MED13L: variants seen among roughly 807,000 people sequenced by gnomAD.
The protein encoded by MED13L is mediator complex subunit 13L.
MED13L carries 7 observed loss-of-function variants against 220.9 expected under a neutral mutation model. The observed-to-expected ratio is 0.03, with a 90% CI of 0.02 to 0.06. The LOEUF (loss-of-function observed/expected upper bound fraction) is 0.06, where lower values mean the gene tolerates loss of function less well. Ranked by LOEUF, MED13L falls within the 10% of genes least tolerant of loss-of-function variation. MED13L has a pLI of 1.00. For synonymous variants in MED13L, 1,011 were observed against 1,015.2 expected, an observed-to-expected ratio of 1.00 and a Z score of 0.08; for missense variants, 1,965 against 2,760.5, an observed-to-expected ratio of 0.71 and a Z score of 6.46.
chr12:116,209,993 G>C (rs1882588231), intron 2 of MED13L, among the ~76,000 whole-genome samples: 2 of 152,114 alleles, frequency 1.3e-5, no homozygotes, highest in African/African-American at 4.8e-5. Flanking sequence ...TTTTTCTAAT[G>C]TTTTGGGCAG....
intron 2 of MED13L, chr12:116,168,988 G>A (rs1449283172): frequency 2.0e-5 from 3 of 152,216 alleles, no homozygotes; most frequent in African/African-American, 7.2e-5. Context: ...CTGCAGGGGT[G>A]TGAAGGAGGC....
chr12:116,126,499 G>T (rs1301538351), intron 2 of MED13L, among the ~76,000 whole-genome samples: 1 of 152,136 alleles, frequency 6.6e-6, no homozygotes, highest in Admixed American at 6.5e-5. Flanking sequence ...TCCATCTCCA[G>T]TCTCAACCAG....
intron 1 of MED13L, among the ~76,000 whole-genome samples, chr12:116,252,243 A>T (rs1871625595): frequency 6.6e-6 from 1 of 152,178 alleles, no homozygotes; most frequent in African/African-American, 2.4e-5. Context: ...TTCCAAATGC[A>T]CATGGAACAT....
intron 7 of MED13L, among the ~76,000 whole-genome samples, chr12:116,018,921 A>AC (rs963235458): frequency 6.6e-5 from 10 of 151,368 alleles, no homozygotes; most frequent in Admixed American, 4.0e-4. Flanking sequence ...ACAAAAAAAA[A>AC]CCCTACATTT....
intron 1 of MED13L, among the ~76,000 whole-genome samples, chr12:116,243,566 C>A (rs1033339662): frequency 6.6e-6 from 1 of 151,976 alleles, no homozygotes; most frequent in Non-Finnish European, 1.5e-5. Flanking sequence ...CTATTCTTCA[C>A]ATACAATATA....
intron 2 of MED13L, among the ~76,000 whole-genome samples, chr12:116,209,026 C>T (rs1186648655): frequency 6.6e-6 from 1 of 152,028 alleles, no homozygotes; most frequent in African/African-American, 2.4e-5. Flanking sequence ...CTATCTGATT[C>T]AAAGTATGAG....
chr12:116,209,419 TA>T (rs761472062), intron 2 of MED13L, among the ~76,000 whole-genome samples: 1 of 152,198 alleles, frequency 6.6e-6, no homozygotes, highest in Admixed American at 6.6e-5. Flanking sequence ...TCACATGTGC[TA>T]GAACATATAT....
At chr12:116,131,354 C>A (rs1219499676) in intron 2 of MED13L, among the ~76,000 whole-genome samples, 1 of 152,206 alleles carries the variant, frequency 6.6e-6, no homozygotes, top group Admixed American at 6.5e-5. Flanking sequence ...CAAGATTCAG[C>A]ACGCAAACTG....
chr12:116,238,694 C>T (rs1007197848), intron 1 of MED13L, among the ~76,000 whole-genome samples: 1 of 152,156 alleles, frequency 6.6e-6, no homozygotes, highest in Admixed American at 6.5e-5. Context: ...ACAGCCATAT[C>T]TTCTACTAAC....
chr12:116,129,891 AGAGT>A (rs918900134), intron 2 of MED13L, among the ~76,000 whole-genome samples: 2 of 150,854 alleles, frequency 1.3e-5, no homozygotes, highest in African/African-American at 4.9e-5. Context: ...CCTGGGCAAC[AGAGT>A]GAGACTCAGT....
chr12:116,085,754 TCACA>T (rs10611880), intron 4 of MED13L, among the ~76,000 whole-genome samples: 57,459 of 146,900 alleles, frequency 0.39, 11,508 homozygotes, highest in Non-Finnish European at 0.45. Context: ...TTAAAATCAC[TCACA>T]CACACACACA....
chr12:116,182,462 A>G (rs965140805), intron 2 of MED13L, among the ~76,000 whole-genome samples: 1 of 152,136 alleles, frequency 6.6e-6, no homozygotes, highest in African/African-American at 2.4e-5. Context: ...CACATTCCAC[A>G]TCTAACACCT....
At chr12:116,000,036 AT>A (rs1424396243) in intron 14 of MED13L, among the ~76,000 whole-genome samples, 1 of 152,262 alleles carries the variant, frequency 6.6e-6, no homozygotes, top group African/African-American at 2.4e-5. Flanking sequence ...GAGATAATGT[AT>A]GCTCAGAAGT....
chr12:115,992,298 A>C (rs1227363882), intron 16 of MED13L, among the ~76,000 whole-genome samples: 3 of 152,220 alleles, frequency 2.0e-5, no homozygotes, highest in Admixed American at 6.5e-5. Context: ...TAATTTGAAA[A>C]GTTAACTACT....
In MED13L at chr12:116,161,141, C is replaced by G. The variant is rs188456122; in HGVS notation, c.311-49629G>C. On this transcript the variant is annotated intron_variant, in intron 2 of 30. Transcript: ENST00000281928. ...TAACTAACCCACTCCCAAATAAAGA[C>G]AGTAATCCATTCACAGGGGCAGACC... Among the ~76,000 whole-genome samples the G allele has an allele frequency of 1.5e-3, 224 of 152,204 alleles. 3 individuals carry two copies. The highest frequency in any genetic ancestry group is 5.2e-3 in the African/African-American group (214 of 41,522).
rs1484447009 is a variant in MED13L at position 116,005,884 on chromosome 12, A to T, written c.2454T>A (p.Asp818Glu). ...HDLDNIFDNSDDDELGAVSPA... is the reference protein window; with the variant it reads ...HDLDNIFDNSEDDELGAVSPA... ...GCAAACTCACCCCAAGTTCGTCGTC[A>T]TCAGAATTATCAAAGATGTTGTCTA... Residue 818 changes from aspartate to glutamate, a missense_variant, in exon 13 of 31, where the codon GAT (aspartate) becomes GAA (glutamate). By Grantham distance (45) the Asp-to-Glu change is conservative. This residue lies in a region of MED13L where 818 missense variants were observed against 1,041.2 expected (regional missense o/e 0.79). Transcript: ENST00000281928. The T allele has an allele frequency of 6.2e-7, 1 of 1,613,960 alleles. No individual in the cohort carries two copies. The highest frequency in any genetic ancestry group is 8.5e-7 in the Non-Finnish European group (1 of 1,179,828).
At chr12:116,160,684 T>C (rs1242168120) in intron 2 of MED13L, among the ~76,000 whole-genome samples, 1 of 151,942 alleles carries the variant, frequency 6.6e-6, no homozygotes, top group Non-Finnish European at 1.5e-5. Flanking sequence ...GCCATTCTCC[T>C]ACCTCAGCCT....
chr12:116,201,897 C>A (rs994103796), intron 2 of MED13L, among the ~76,000 whole-genome samples: 5 of 152,110 alleles, frequency 3.3e-5, no homozygotes, highest in African/African-American at 1.2e-4. Flanking sequence ...TTAAAACAAG[C>A]TATCATCAAA....
At chr12:116,031,653 C>T (rs1354703713) in intron 4 of MED13L, among the ~76,000 whole-genome samples, 4 of 92,572 alleles carry the variant, frequency 4.3e-5, no homozygotes, top group Non-Finnish European at 8.2e-5. Context: ...GGGGACGGGA[C>T]GGGACGGGAC....
Sources: gnomAD v4.1 joint callset for allele counts (sites outside exome capture counted in the v4.1 genomes callset) on GRCh38, gnomAD v4.1.1 for gene constraint, gnomAD v4.1.1 regional missense constraint, MANE v1.5 for transcripts, NCBI Gene and HGNC (gene_info 2026-07-23, HGNC 2026-07-21) for gene names.